The following CABIN1 variants were observed in gnomAD, a reference collection of about 807,000 sequenced individuals.
The protein encoded by CABIN1 is calcineurin-binding protein cabin-1.
In CABIN1, 133 loss-of-function variants were observed where a neutral mutation model predicts 227.7. That is an observed-to-expected ratio of 0.58 (90% CI 0.51 to 0.67). The LOEUF is 0.67. CABIN1 is among the 30% of genes least tolerant of loss of function. The pLI is 0.00. For synonymous variants in CABIN1, 1,086 were observed against 1,155.1 expected (o/e 0.94, Z 1.21); for missense variants, 2,408 against 2,852.5 (o/e 0.84, Z 3.55).
At chr22:24,049,303 C>T in intron 7 of CABIN1, 83 bp downstream of exon 7, 4 of 1,532,758 alleles carry the variant, frequency 2.6e-6, no homozygotes, top group East Asian at 2.3e-5. Flanking sequence ...ATTCTCCCCT[C>T]AGGTCCCATG....
intron 4 of CABIN1, among the ~76,000 whole-genome samples, chr22:24,040,905 C>T (rs1416475368): frequency 6.6e-6 from 1 of 152,158 alleles, no homozygotes; most frequent in African/African-American, 2.4e-5. Flanking sequence ...TGTTGGATGC[C>T]CAGACTCTCT....
At chr22:24,155,100 C>G (rs1033150434) in intron 29 of CABIN1, among the ~76,000 whole-genome samples, 4 of 152,196 alleles carry the variant, frequency 2.6e-5, no homozygotes, top group Non-Finnish European at 5.9e-5. Context: ...CCATCCCTGC[C>G]TTTCCTTGGC....
Position 24,063,131 on chromosome 22 carries a change from C to T in CABIN1, c.1869C>T (p.Arg623=), listed in dbSNP as rs2039318293. 6.2e-7 allele frequency: 1 copy of T among 1,614,032 alleles called. No individual in the cohort carries two copies. Among genetic ancestry groups the T allele is most frequent in the Admixed American group, 1.7e-5 (1 of 60,010 alleles). ...TCCGTGTTTACTGGCTGAAGGCTCGCTTCCTGGCGCTGCAGGTTAGTTCCA... is the reference window on the plus strand; with the variant it reads ...TCCGTGTTTACTGGCTGAAGGCTCGTTTCCTGGCGCTGCAGGTTAGTTCCA... The part of the protein sequence containing the change: ...FVVRVYWLKA[R]FLALQGDMEQ... Residue 623 remains arginine, a synonymous_variant, in exon 14 of 37, where the codon CGC becomes CGT. Coordinates refer to ENST00000263119, the MANE Select transcript of CABIN1 (RefSeq NM_012295.4).
chr22:24,016,471 T>G (rs950710634), intron 1 of CABIN1, among the ~76,000 whole-genome samples: 4 of 152,256 alleles, frequency 2.6e-5, no homozygotes, highest in Non-Finnish European at 4.4e-5. Flanking sequence ...TACAGCTGCA[T>G]AGTACTTCAT....
At chr22:24,170,124 C>T (rs1410002222) in intron 33 of CABIN1, 2 of 457,882 alleles carry the variant, frequency 4.4e-6, no homozygotes, top group Non-Finnish European at 8.8e-6. Context: ...CTGCCTGCTT[C>T]CCAGACCCTG....
At chr22:24,104,299 C>G (rs2147562096) in intron 26 of CABIN1, among the ~76,000 whole-genome samples, 1 of 152,346 alleles carries the variant, frequency 6.6e-6, no homozygotes, top group East Asian at 1.9e-4. Flanking sequence ...GCATTTGTAT[C>G]AAGAGGGGCT....
At chr22:24,158,408 C>A (rs187869244) in intron 29 of CABIN1, among the ~76,000 whole-genome samples, 2 of 152,192 alleles carry the variant, frequency 1.3e-5, no homozygotes, top group African/African-American at 2.4e-5. Flanking sequence ...TCATCAGAAT[C>A]CTTAAGTCCC....
chr22:24,016,644 A>G (rs945022110), intron 1 of CABIN1, among the ~76,000 whole-genome samples: 3 of 152,226 alleles, frequency 2.0e-5, no homozygotes, highest in Non-Finnish European at 4.4e-5. Context: ...TTGGAGGTAC[A>G]TATTCAGGGT....
At chr22:24,140,953 C>T (rs1439029677) in intron 29 of CABIN1, among the ~76,000 whole-genome samples, 1 of 152,212 alleles carries the variant, frequency 6.6e-6, no homozygotes, top group Non-Finnish European at 1.5e-5. Context: ...GCACAGCTCC[C>T]AGCCACTCTA....
chr22:24,128,286 A>G (rs1206124702), intron 28 of CABIN1, among the ~76,000 whole-genome samples: 1 of 119,854 alleles, frequency 8.3e-6, no homozygotes, highest in Non-Finnish European at 1.7e-5. Context: ...TAATGCCTAC[A>G]CAGGATTCTC....
intron 20 of CABIN1, among the ~76,000 whole-genome samples, chr22:24,084,184 A>G (rs1358970640): frequency 6.6e-6 from 1 of 151,940 alleles, no homozygotes; most frequent in Non-Finnish European, 1.5e-5. Flanking sequence ...GTCTTTCTAC[A>G]GACTAGGCTT....
chr22:24,155,770 G>A lies in CABIN1; in HGVS notation c.4747-8630G>A, dbSNP rs937333544. ...TTGGCCAATGCCATCCCGGCCTGCCGCACTCCTGGCCACCCCTACACCATG... is the reference window on the plus strand; with the variant it reads ...TTGGCCAATGCCATCCCGGCCTGCCACACTCCTGGCCACCCCTACACCATG... On this transcript the variant is annotated intron_variant, in intron 29 of 36. Coordinates refer to ENST00000263119, the MANE Select transcript of CABIN1 (RefSeq NM_012295.4). 2.4e-5 allele frequency: 9 copies of A among 382,648 alleles called. No homozygotes were observed. The South Asian group carries it at 2.4e-4, about 10-fold the overall frequency. 23.7% of individuals were successfully genotyped at this position (382,648 alleles called of 1,614,324 possible). A position where few individuals can be genotyped will look rare whatever the true frequency, so the allele number is the denominator to read the frequency against.
chr22:24,066,189 C>T lies in CABIN1; in HGVS notation c.2038-798C>T, dbSNP rs564906296. Among the ~76,000 whole-genome samples, 77 of 152,188 alleles carry T rather than the reference C, an allele frequency of 5.1e-4. 2 individuals carry two copies. Among genetic ancestry groups the T allele is most frequent in the Non-Finnish European group, 3.5e-4 (24 of 68,030 alleles). ...CTGAGTGGGGCCTCTGTTGGGAAGA[C>T]AGGAGAGGCCTGGGAAAGGCTGCTG... On this transcript the variant is annotated intron_variant, in intron 15 of 36. Coordinates refer to ENST00000263119, the MANE Select transcript of CABIN1 (RefSeq NM_012295.4).
At chr22:24,107,051 C>T (rs2042555999) in intron 26 of CABIN1, among the ~76,000 whole-genome samples, 1 of 152,214 alleles carries the variant, frequency 6.6e-6, no homozygotes, top group African/African-American at 2.4e-5. Flanking sequence ...TAACACATCC[C>T]TGGACTCCTT....
chr22:24,113,799 A>G, intron 27 of CABIN1, 51 bp downstream of exon 27: 1 of 1,601,342 alleles, frequency 6.2e-7, no homozygotes, highest in African/African-American at 1.3e-5. Context: ...TCCTGTGGCA[A>G]TCTGGGCAAA....
chr22:24,100,273 TG>T (rs1297243164), intron 26 of CABIN1, among the ~76,000 whole-genome samples: 4 of 152,364 alleles, frequency 2.6e-5, no homozygotes, highest in African/African-American at 9.6e-5. Context: ...GGCTGCATAA[TG>T]CTTTCAGAAC....
chr22:24,114,617 C>G (rs1391110981), intron 27 of CABIN1, among the ~76,000 whole-genome samples: 1 of 152,208 alleles, frequency 6.6e-6, no homozygotes, highest in Admixed American at 6.5e-5. Flanking sequence ...CACGCTACCT[C>G]TCCGGGTGGG....
At chr22:24,045,646 T>C (rs1347723749) in intron 6 of CABIN1, among the ~76,000 whole-genome samples, 3 of 152,130 alleles carry the variant, frequency 2.0e-5, no homozygotes, top group African/African-American at 7.2e-5. Context: ...TTTAGGTATT[T>C]GTTACAACAG....
At chr22:24,156,715 C>G (rs940294499) in intron 29 of CABIN1, 1 of 152,308 alleles carries the variant, frequency 6.6e-6, no homozygotes, top group Non-Finnish European at 1.5e-5. Flanking sequence ...GGGCTAGGAC[C>G]TTGCCCCGCA....
Sources: allele counts gnomAD v4.1 joint callset (sites outside exome capture counted in the v4.1 genomes callset), GRCh38; gene constraint gnomAD v4.1.1; transcripts MANE v1.5; gene names NCBI Gene and HGNC (gene_info 2026-07-23, HGNC 2026-07-21).